The following B3GALT1 variants were observed in gnomAD, a reference collection of about 807,000 sequenced individuals.
B3GALT1 encodes UDP-Gal:betaGlcNAc beta 1,3-galactosyltransferase, polypeptide 1.
In B3GALT1, 10 loss-of-function variants were observed where a neutral mutation model predicts 23.2. That is an observed-to-expected ratio of 0.43 (90% CI 0.27 to 0.73). The LOEUF (loss-of-function observed/expected upper bound fraction) is 0.73. Ranked by LOEUF, B3GALT1 falls within the 30% of genes least tolerant of loss-of-function variation. The pLI, the probability that B3GALT1 is intolerant of heterozygous loss-of-function variation, is 0.21. For missense variants in B3GALT1, 299 were observed against 405.4 expected, an observed-to-expected ratio of 0.74 and a Z score of 2.25; for synonymous variants, 156 against 141.5, an observed-to-expected ratio of 1.10 and a Z score of -0.73.
intron 1 of B3GALT1, among the ~76,000 whole-genome samples, chr2:167,316,421 T>C (rs1309825331): frequency 6.6e-6 from 1 of 152,118 alleles, no homozygotes; most frequent in Non-Finnish European, 1.5e-5. Flanking sequence ...TAAAATATTT[T>C]GCCATCACAC....
chr2:167,783,564 G>A (rs1448016130), intron 3 of B3GALT1, among the ~76,000 whole-genome samples: 2 of 152,144 alleles, frequency 1.3e-5, no homozygotes, highest in Non-Finnish European at 2.9e-5. Flanking sequence ...AGCAAGTTGG[G>A]AATTTATTTT....
intron 3 of B3GALT1, among the ~76,000 whole-genome samples, chr2:167,781,571 C>G (rs549290331): frequency 6.6e-6 from 1 of 152,124 alleles, no homozygotes; most frequent in African/African-American, 2.4e-5. Flanking sequence ...AAAATCAAAA[C>G]GATTTTGGCT....
At chr2:167,682,359 C>T (rs567654280) in intron 3 of B3GALT1, among the ~76,000 whole-genome samples, 1 of 152,172 alleles carries the variant, frequency 6.6e-6, no homozygotes, top group Non-Finnish European at 1.5e-5. Context: ...TATTTGATAT[C>T]TTTGCATCTC....
chr2:167,355,915 G>A (rs1041064607), intron 1 of B3GALT1, among the ~76,000 whole-genome samples: 3 of 152,306 alleles, frequency 2.0e-5, no homozygotes, highest in Non-Finnish European at 4.4e-5. Flanking sequence ...TACAAGGGTG[G>A]TAAGGATGGG....
chr2:167,751,250 G>A (rs1468766142), intron 3 of B3GALT1, among the ~76,000 whole-genome samples: 1 of 152,186 alleles, frequency 6.6e-6, no homozygotes, highest in Admixed American at 6.5e-5. Context: ...CAGAGAAAGT[G>A]TTGTGGCTCC....
intron 1 of B3GALT1, among the ~76,000 whole-genome samples, chr2:167,336,558 T>C (rs1697059817): frequency 6.6e-6 from 1 of 152,192 alleles, no homozygotes; most frequent in Admixed American, 6.5e-5. Flanking sequence ...TTATTTTTTA[T>C]AGTCCTTTTC....
intron 4 of B3GALT1, among the ~76,000 whole-genome samples, chr2:167,837,574 A>C (rs1689509863): frequency 6.6e-6 from 1 of 151,102 alleles, no homozygotes; most frequent in Admixed American, 6.6e-5. Flanking sequence ...ACACATTAAT[A>C]ATGGGAGACT....
intron 4 of B3GALT1, among the ~76,000 whole-genome samples, chr2:167,825,586 T>C (rs950524851): frequency 6.6e-6 from 1 of 151,814 alleles, no homozygotes; most frequent in African/African-American, 2.4e-5. Flanking sequence ...GAGTACACCA[T>C]AAATAATTTT....
At chr2:167,456,996 C>A (rs1416528528) in intron 1 of B3GALT1, among the ~76,000 whole-genome samples, 3 of 152,118 alleles carry the variant, frequency 2.0e-5, no homozygotes, top group Non-Finnish European at 2.9e-5. Flanking sequence ...GCAACCAGAT[C>A]CAATCCTGAT....
At chr2:167,759,780 G>A (rs184505678) in intron 3 of B3GALT1, among the ~76,000 whole-genome samples, 92 of 152,224 alleles carry the variant, frequency 6.0e-4, no homozygotes, top group African/African-American at 2.1e-3. Flanking sequence ...GTGCTAGGGG[G>A]CAACTGCAGC....
chr2:167,402,923 A>G (rs1194213067), intron 1 of B3GALT1, among the ~76,000 whole-genome samples: 1 of 152,214 alleles, frequency 6.6e-6, no homozygotes, highest in Non-Finnish European at 1.5e-5. Context: ...TTAAACAAGC[A>G]TAATGCAGAA....
intron 2 of B3GALT1, among the ~76,000 whole-genome samples, chr2:167,594,003 G>A (rs1684730499): frequency 6.6e-6 from 1 of 152,170 alleles, no homozygotes; most frequent in African/African-American, 2.4e-5. Context: ...TACAAATTCT[G>A]TACTTACTTT....
chr2:167,662,108 C>CA (rs1686070290), intron 3 of B3GALT1, among the ~76,000 whole-genome samples: 1 of 148,748 alleles, frequency 6.7e-6, no homozygotes, highest in South Asian at 2.1e-4. Flanking sequence ...TTCAGCAAGA[C>CA]AGAGAATTAC....
At chr2:167,563,870 C>T (rs1340384393) in intron 2 of B3GALT1, among the ~76,000 whole-genome samples, 1 of 139,580 alleles carries the variant, frequency 7.2e-6, no homozygotes, top group African/African-American at 2.6e-5. Flanking sequence ...AGAGGCGCCC[C>T]TCATCTGCCG....
chr2:167,758,512 A>G (rs7569753), intron 3 of B3GALT1, among the ~76,000 whole-genome samples: 18,329 of 152,128 alleles, frequency 0.12, 1,388 homozygotes, highest in East Asian at 0.34. Context: ...ATCCTCACTA[A>G]GGACACATCA....
At chr2:167,708,340 G>A (rs182094429) in intron 3 of B3GALT1, among the ~76,000 whole-genome samples, 1 of 152,318 alleles carries the variant, frequency 6.6e-6, no homozygotes, top group East Asian at 1.9e-4. Flanking sequence ...GCATGGTTCA[G>A]TGGTTTCTTC....
intron 2 of B3GALT1, among the ~76,000 whole-genome samples, chr2:167,498,777 C>T (rs1699810139): frequency 6.6e-6 from 1 of 152,080 alleles, no homozygotes; most frequent in Non-Finnish European, 1.5e-5. Flanking sequence ...TCTTTGCCCC[C>T]ATTCCCTTTC....
intron 1 of B3GALT1, among the ~76,000 whole-genome samples, chr2:167,456,944 C>A (rs976019345): frequency 3.3e-5 from 5 of 152,146 alleles, no homozygotes; most frequent in African/African-American, 1.2e-4. Context: ...CCCCCTCCTT[C>A]GCTCCTTGGA....
chr2:167,703,452 AC>A (rs1330279027), intron 3 of B3GALT1, among the ~76,000 whole-genome samples: 1 of 151,856 alleles, frequency 6.6e-6, no homozygotes, highest in Non-Finnish European at 1.5e-5. Context: ...TGGGAAACTT[AC>A]GTTTTGTATT....
Sources: gnomAD v4.1 joint callset for allele counts (sites outside exome capture counted in the v4.1 genomes callset) on GRCh38, gnomAD v4.1.1 for gene constraint, MANE v1.5 for transcripts, NCBI Gene and HGNC (gene_info 2026-07-23, HGNC 2026-07-21) for gene names.